The following KALRN variants were observed in gnomAD, a reference collection of about 807,000 sequenced individuals.
The protein encoded by KALRN is kalirin RhoGEF kinase.
In KALRN, 70 loss-of-function variants were observed where a neutral mutation model predicts 353.7. The ratio of observed to expected loss-of-function variants is 0.20; its 90% CI spans 0.16 to 0.24. KALRN has a LOEUF of 0.24. KALRN is among the 10% of genes least tolerant of loss of function. KALRN has a pLI of 1.00. For synonymous variants in KALRN, 1,391 were observed against 1,434.8 expected (o/e 0.97, Z 0.69); for missense variants, 2,791 against 3,756.7 (o/e 0.74, Z 6.72).
At chr3:124,629,831 C>T (rs4678142) in intron 34 of KALRN, among the ~76,000 whole-genome samples, 53,111 of 150,134 alleles carry the variant, frequency 0.35, 10,213 homozygotes, top group East Asian at 0.65. Flanking sequence ...TCTCTCTCTG[C>T]TTCTCTCTAT....
chr3:124,613,939 T>C (rs1450226474), intron 34 of KALRN, among the ~76,000 whole-genome samples: 1 of 152,178 alleles, frequency 6.6e-6, no homozygotes, highest in Non-Finnish European at 1.5e-5. Context: ...AGTAACATAT[T>C]TGGGTAGTTA....
chr3:124,323,825 ACAGCTCTAT>A (rs1352146368), intron 6 of KALRN, among the ~76,000 whole-genome samples: 4 of 152,172 alleles, frequency 2.6e-5, no homozygotes, highest in African/African-American at 7.2e-5. Flanking sequence ...GTTTGGGAGG[ACAGCTCTAT>A]CAGACACTGT....
chr3:124,109,410 A>AT (rs1387949666), intron 1 of KALRN, among the ~76,000 whole-genome samples: 1 of 151,792 alleles, frequency 6.6e-6, no homozygotes, highest in Non-Finnish European at 1.5e-5. Context: ...CAATTATTGT[A>AT]TTTTTTAGTG....
At chr3:124,174,129 T>C (rs1267277136) in intron 1 of KALRN, among the ~76,000 whole-genome samples, 1 of 152,170 alleles carries the variant, frequency 6.6e-6, no homozygotes, top group East Asian at 1.9e-4. Flanking sequence ...GAGAGGTGGG[T>C]ACTTTTAAAA....
At chr3:124,450,286 A>G (rs2058653823) in intron 21 of KALRN, among the ~76,000 whole-genome samples, 1 of 152,218 alleles carries the variant, frequency 6.6e-6, no homozygotes, top group East Asian at 1.9e-4. Flanking sequence ...GCATTTGCCA[A>G]TGACTAATAA....
chr3:124,112,560 A>G (rs538587447), intron 1 of KALRN, among the ~76,000 whole-genome samples: 9 of 152,282 alleles, frequency 5.9e-5, no homozygotes, highest in African/African-American at 2.2e-4. Context: ...CCTGTCCCCA[A>G]CTGCACCACT....
chr3:124,496,014 C>T (rs35389957), intron 32 of KALRN, among the ~76,000 whole-genome samples: 7,177 of 26,544 alleles, frequency 0.27, 1,270 homozygotes, highest in Non-Finnish European at 0.31. Flanking sequence ...TATATATATA[C>T]ACACACATAT....
chr3:124,122,748 C>A (rs2064174572), intron 1 of KALRN, among the ~76,000 whole-genome samples: 1 of 152,190 alleles, frequency 6.6e-6, no homozygotes, highest in South Asian at 2.1e-4. Flanking sequence ...TCCCTCTCTT[C>A]TCAGGCCTCT....
intron 25 of KALRN, among the ~76,000 whole-genome samples, chr3:124,473,635 G>A (rs929228817): frequency 6.6e-6 from 1 of 152,136 alleles, no homozygotes; most frequent in Non-Finnish European, 1.5e-5. Flanking sequence ...TAGCTCTGTG[G>A]ATGTACCATA....
At chr3:124,171,618 G>A (rs1240789768) in intron 1 of KALRN, among the ~76,000 whole-genome samples, 3 of 152,012 alleles carry the variant, frequency 2.0e-5, no homozygotes, top group Admixed American at 6.6e-5. Flanking sequence ...CCTACCTCTT[G>A]GTGGGAAAAA....
At position 124,721,230 on chromosome 3, in the gene KALRN, T is replaced by C. The variant is rs2150858877; in HGVS notation, c.*1760T>C. On this transcript the variant is annotated 3_prime_UTR_variant, in exon 60 of 60. Transcript: ENST00000682506. Reference sequence around the variant, plus strand: ...ACTTCCTCATTCGCCCTCCACCTCATCCCATCCAAGATTATAGATTGATAA... The same window carrying C: ...ACTTCCTCATTCGCCCTCCACCTCACCCCATCCAAGATTATAGATTGATAA... The C allele has an allele frequency of 6.6e-6, 1 of 152,202 alleles. No individual in the cohort carries two copies. The highest frequency in any genetic ancestry group is 1.9e-4 in the East Asian group (1 of 5,188). 9.4% of individuals were successfully genotyped at this position (152,202 alleles called of 1,614,324 possible).
intron 37 of KALRN, among the ~76,000 whole-genome samples, chr3:124,650,582 G>A (rs1258471573): frequency 6.6e-6 from 1 of 152,180 alleles, no homozygotes; most frequent in Non-Finnish European, 1.5e-5. Context: ...GAAATTGGCA[G>A]CACATAGATG....
chr3:124,608,506 G>A (rs1462101642), intron 34 of KALRN, among the ~76,000 whole-genome samples: 1 of 152,134 alleles, frequency 6.6e-6, no homozygotes, highest in African/African-American at 2.4e-5. Flanking sequence ...CTGGAAGTCA[G>A]CGGAGAACTT....
chr3:124,700,757 G>A (rs970414493), intron 56 of KALRN, among the ~76,000 whole-genome samples: 13 of 152,056 alleles, frequency 8.5e-5, no homozygotes, highest in African/African-American at 1.7e-4. Flanking sequence ...GACTGTACTC[G>A]AAAGACCATG....
rs148977814 is a variant in KALRN at position 124,068,152 on chromosome 3, G to T, written c.73+34339G>T. Among the ~76,000 whole-genome samples the T allele has an allele frequency of 5.0e-3, 765 of 152,294 alleles. 12 individuals carry two copies. Among genetic ancestry groups the T allele is most frequent in the Non-Finnish European group, 5.0e-3 (343 of 68,026 alleles). The stretch of plus-strand genomic sequence containing the variant: ...TGAGGGGGCAGGATGACAAAGTTTG[G>T]ATAACTTAACCAAATCCCAGTTCTA... On this transcript the variant is annotated intron_variant, in intron 1 of 59. Coordinates refer to ENST00000682506, the MANE Select transcript of KALRN (RefSeq NM_001388419.1).
chr3:124,634,821 T>G (rs139895213), intron 36 of KALRN, among the ~76,000 whole-genome samples: 303 of 152,260 alleles, frequency 2.0e-3, no homozygotes, highest in Non-Finnish European at 3.1e-3. Flanking sequence ...TTTGTTGCAG[T>G]GGTGGTAGTG....
At position 124,265,298 on chromosome 3, in the gene KALRN, C is replaced by CTTTTTTTTTTTTTTTTT. The variant is rs3054177; in HGVS notation, c.456+622_456+623insTTTTTTTTTTTTTTTTT. 5.1e-3 allele frequency among the ~76,000 whole-genome samples: 370 copies of CTTTTTTTTTTTTTTTTT among 73,022 alleles called. 81 individuals carry two copies. The highest frequency in any genetic ancestry group is 7.6e-3 in the Middle Eastern group (1 of 132). 47.9% of individuals were successfully genotyped at this position (73,022 alleles called of 152,430 possible). Reference sequence around the variant, plus strand: ...CTAGTAACTAATTTAAGAAAATATTCTTTTTTTTTTTTTTGAGATAGAGTC... The same window carrying CTTTTTTTTTTTTTTTTT: ...CTAGTAACTAATTTAAGAAAATATTCTTTTTTTTTTTTTTTTTTTTTTTTTTTTTTTGAGATAGAGTC... On this transcript the variant is annotated intron_variant, in intron 4 of 59. Transcript: ENST00000682506.
chr3:124,114,983 T>G (rs1008730055), intron 1 of KALRN, among the ~76,000 whole-genome samples: 3 of 152,152 alleles, frequency 2.0e-5, no homozygotes, highest in Non-Finnish European at 4.4e-5. Flanking sequence ...TTTGTCTTCA[T>G]GAGAATGACA....
At chr3:124,715,418 C>A (rs567101522) in intron 58 of KALRN, among the ~76,000 whole-genome samples, 11 of 152,298 alleles carry the variant, frequency 7.2e-5, no homozygotes, top group African/African-American at 2.6e-4. Context: ...CTGCCTTATC[C>A]AAAAGCTCTA....
Sources: gnomAD v4.1 joint callset for allele counts (sites outside exome capture counted in the v4.1 genomes callset) on GRCh38, gnomAD v4.1.1 for gene constraint, MANE v1.5 for transcripts, NCBI Gene and HGNC (gene_info 2026-07-23, HGNC 2026-07-21) for gene names.